Variants in CDC123 observed in about 807,000 individuals in gnomAD.
CDC123 encodes translation initiation factor eIF2 assembly protein.
CDC123 carries 37 observed loss-of-function variants against 54.4 expected under a neutral mutation model. The ratio of observed to expected loss-of-function variants is 0.68; its 90% CI spans 0.52 to 0.89. The LOEUF is 0.89. Ranked by LOEUF, CDC123 falls within the 40% of genes least tolerant of loss-of-function variation. CDC123 has a pLI of 0.00. For missense variants in CDC123, 361 were observed against 412.1 expected (o/e 0.88, Z 1.07); for synonymous variants, 144 against 136.8 (o/e 1.05, Z -0.37).
At chr10:12,239,818 C>G (rs1836032496) in intron 10 of CDC123, among the ~76,000 whole-genome samples, 1 of 151,608 alleles carries the variant, frequency 6.6e-6, no homozygotes, top group African/African-American at 2.4e-5. Flanking sequence ...ACCATCCTGG[C>G]TAAAACGGTG....
At chr10:12,208,888 C>G (rs1835557180) in intron 2 of CDC123, among the ~76,000 whole-genome samples, 1 of 152,206 alleles carries the variant, frequency 6.6e-6, no homozygotes, top group African/African-American at 2.4e-5. Context: ...CCCTCTCTCT[C>G]TCACCCTTTG....
At chr10:12,239,865 G>A (rs1343224872) in intron 10 of CDC123, among the ~76,000 whole-genome samples, 2 of 151,868 alleles carry the variant, frequency 1.3e-5, no homozygotes, top group Non-Finnish European at 2.9e-5. Context: ...AAAATTAGCC[G>A]GGTGTGTTGG....
At chr10:12,222,219 C>T (rs1835746186) in intron 6 of CDC123, among the ~76,000 whole-genome samples, 1 of 152,258 alleles carries the variant, frequency 6.6e-6, no homozygotes, top group Non-Finnish European at 1.5e-5. Flanking sequence ...GGGTAGACAG[C>T]TAGTGCTGTC....
intron 10 of CDC123, among the ~76,000 whole-genome samples, chr10:12,243,980 A>G (rs192246943): frequency 1.1e-4 from 17 of 152,292 alleles, no homozygotes; most frequent in African/African-American, 4.1e-4. Flanking sequence ...AATGGAGGTG[A>G]GGAAACAACT....
chr10:12,213,536 G>A (rs1355405305), intron 4 of CDC123, among the ~76,000 whole-genome samples: 1 of 151,914 alleles, frequency 6.6e-6, no homozygotes, highest in African/African-American at 2.4e-5. Flanking sequence ...TGGCTAGACT[G>A]GATGCCTGGA....
chr10:12,230,719 C>T (rs1835889904), intron 6 of CDC123, among the ~76,000 whole-genome samples: 1 of 152,236 alleles, frequency 6.6e-6, no homozygotes, highest in Non-Finnish European at 1.5e-5. Context: ...AAGGTACAGT[C>T]TTGCTCATAA....
intron 12 of CDC123, 102 bp downstream of exon 12, chr10:12,249,820 T>A (rs1836216680): frequency 7.0e-7 from 1 of 1,424,452 alleles, no homozygotes; most frequent in African/African-American, 1.4e-5. Context: ...ACCTAGACTT[T>A]GATGGTTATG....
chr10:12,239,076 G>A (rs911955648), intron 10 of CDC123, among the ~76,000 whole-genome samples: 1 of 151,994 alleles, frequency 6.6e-6, no homozygotes, highest in East Asian at 1.9e-4. Flanking sequence ...GATCACTTGA[G>A]CCCGGGAATG....
chr10:12,210,112 C>A, intron 3 of CDC123, 88 bp downstream of exon 3: 1 of 1,485,576 alleles, frequency 6.7e-7, no homozygotes, highest in Non-Finnish European at 9.3e-7. Flanking sequence ...TCTTATCTTA[C>A]ATCTGATAAA....
intron 6 of CDC123, among the ~76,000 whole-genome samples, chr10:12,225,746 CTTTTTTTT>C (rs60404885): frequency 1.2e-4 from 8 of 66,928 alleles, no homozygotes; most frequent in East Asian, 6.0e-4. Context: ...TAGCTTCTCT[CTTTTTTTT>C]TTTTTTTTTT....
At chr10:12,227,480 C>T (rs910037107) in intron 6 of CDC123, among the ~76,000 whole-genome samples, 1 of 151,732 alleles carries the variant, frequency 6.6e-6, no homozygotes. Context: ...GATATGTGTA[C>T]AAAAGTAATT....
At chr10:12,217,809 G>A (rs181227002) in intron 6 of CDC123, among the ~76,000 whole-genome samples, 6 of 152,162 alleles carry the variant, frequency 3.9e-5, no homozygotes, top group African/African-American at 1.2e-4. Flanking sequence ...TCTCATGGCC[G>A]GGCGCGGTGG....
At chr10:12,224,519 G>T (rs1254146060) in intron 6 of CDC123, among the ~76,000 whole-genome samples, 1 of 151,870 alleles carries the variant, frequency 6.6e-6, no homozygotes, top group Non-Finnish European at 1.5e-5. Context: ...TGTAAATAAT[G>T]TAACATTTAT....
At chr10:12,211,849 C>T (rs1835606873) in intron 4 of CDC123, among the ~76,000 whole-genome samples, 2 of 152,188 alleles carry the variant, frequency 1.3e-5, no homozygotes, top group African/African-American at 2.4e-5. Context: ...TGGCCGATGC[C>T]TGTAATTCCA....
intron 6 of CDC123, among the ~76,000 whole-genome samples, chr10:12,224,103 A>C (rs1260252326): frequency 1.3e-5 from 2 of 151,860 alleles, no homozygotes; most frequent in Non-Finnish European, 2.9e-5. Flanking sequence ...TACAAGTGAG[A>C]ACATACGATG....
intron 2 of CDC123, among the ~76,000 whole-genome samples, chr10:12,199,618 C>G (rs1303672732): frequency 6.6e-6 from 1 of 152,168 alleles, no homozygotes; most frequent in Non-Finnish European, 1.5e-5. Context: ...GTTTTCAGTA[C>G]TACTAACTGG....
Position 12,215,847 on chromosome 10 carries a change from T to G in CDC123, c.333+12T>G. On this transcript the variant is annotated intron_variant, in intron 5 of 12. Coordinates refer to ENST00000281141, the MANE Select transcript of CDC123 (RefSeq NM_006023.3). ...GGAGTGCCCCAAGGGTAGGAACACA[T>G]AAGTAATTCTCTTACTGTTTGAATA... The G allele has an allele frequency of 6.6e-7, 1 of 1,505,982 alleles. No individual in the cohort carries two copies. Among genetic ancestry groups the G allele is most frequent in the Non-Finnish European group, 9.1e-7 (1 of 1,095,226 alleles). 93.3% of individuals were successfully genotyped at this position (1,505,982 alleles called of 1,614,324 possible).
intron 8 of CDC123, among the ~76,000 whole-genome samples, chr10:12,236,910 CA>C (rs1157165567): frequency 6.6e-6 from 1 of 151,732 alleles, no homozygotes; most frequent in African/African-American, 2.4e-5. Flanking sequence ...CAAAACAAAA[CA>C]AAACAAAACA....
chr10:12,209,804 A>G (rs1463934395), intron 2 of CDC123, among the ~76,000 whole-genome samples, 163 bp from the exon 3 acceptor site: 1 of 151,706 alleles, frequency 6.6e-6, no homozygotes. Context: ...ACCTCAAGCG[A>G]TCCACTCACT....
Sources: allele counts gnomAD v4.1 joint callset (sites outside exome capture counted in the v4.1 genomes callset), GRCh38; gene constraint gnomAD v4.1.1; transcripts MANE v1.5; gene names NCBI Gene and HGNC (gene_info 2026-07-23, HGNC 2026-07-21).